ST8SIA1: variants seen among roughly 807,000 people sequenced by gnomAD.
ST8SIA1 encodes alpha-N-acetylneuraminide alpha-2,8-sialyltransferase.
In ST8SIA1, 16 loss-of-function variants were observed where a neutral mutation model predicts 35.9. That is an observed-to-expected ratio of 0.45 (90% CI 0.30 to 0.68). The LOEUF is 0.68. Among genes scored for constraint, ST8SIA1 ranks in the 30% least tolerant of loss-of-function variants. The probability of loss-of-function intolerance (pLI) is 0.09; values close to 1 mark genes in which losing one functional copy is unlikely to be tolerated. For missense variants in ST8SIA1, 383 were observed against 453.6 expected (o/e 0.84, Z 1.41); for synonymous variants, 170 against 169.6 (o/e 1.00, Z -0.02).
At chr12:22,250,032 C>T (rs899090475) in intron 3 of ST8SIA1, among the ~76,000 whole-genome samples, 2 of 152,100 alleles carry the variant, frequency 1.3e-5, no homozygotes, top group Admixed American at 1.3e-4. Flanking sequence ...TGCAGTGATC[C>T]ACCATCCCAG....
chr12:22,252,314 C>A (rs1277300917), intron 3 of ST8SIA1, among the ~76,000 whole-genome samples: 1 of 152,120 alleles, frequency 6.6e-6, no homozygotes, highest in Non-Finnish European at 1.5e-5. Flanking sequence ...ATACGACATG[C>A]TTTCTAATCT....
At chr12:22,244,236 G>A (rs1865573219) in intron 4 of ST8SIA1, among the ~76,000 whole-genome samples, 2 of 152,002 alleles carry the variant, frequency 1.3e-5, no homozygotes, top group Admixed American at 1.3e-4. Flanking sequence ...CTATTGAAGA[G>A]TGCATCTAAC....
Position 22,201,943 on chromosome 12 carries a change from G to C in ST8SIA1, c.680C>G (p.Thr227Arg). 3 of 1,613,970 alleles carry C rather than the reference G, an allele frequency of 1.9e-6. No individual in the cohort carries two copies. Among genetic ancestry groups the C allele is most frequent in the Non-Finnish European group, 2.5e-6 (3 of 1,179,922 alleles). Reference sequence around the variant, plus strand: ...AACCCTCAAAGATGGCTCTGTTCCTGTCTTCATAGAAAAGGCAGGCATGTA... The same window carrying C: ...AACCCTCAAAGATGGCTCTGTTCCTCTCTTCATAGAAAAGGCAGGCATGTA... ...YIYMPAFSMK[T>R]GTEPSLRVYY... Residue 227 changes from threonine (T) to arginine (R), a missense_variant, in exon 5 of 5, where the codon ACA (threonine) becomes AGA (arginine). Physicochemically the swap from Thr to Arg is moderately conservative, Grantham distance 71. Coordinates refer to ENST00000396037, the MANE Select transcript of ST8SIA1 (RefSeq NM_003034.4).
intron 1 of ST8SIA1, among the ~76,000 whole-genome samples, chr12:22,307,806 T>C (rs1418057969): frequency 6.6e-6 from 1 of 152,234 alleles, no homozygotes; most frequent in African/African-American, 2.4e-5. Context: ...TCTTCTCTTC[T>C]CATGTTATTA....
At chr12:22,304,343 T>C (rs867419658) in intron 1 of ST8SIA1, among the ~76,000 whole-genome samples, 4,549 of 148,742 alleles carry the variant, frequency 0.031, 95 homozygotes, top group Non-Finnish European at 0.049. Context: ...TCTTTTTTTT[T>C]TTTTTTTTTT....
chr12:22,277,652 C>T (rs1463052355), intron 2 of ST8SIA1, among the ~76,000 whole-genome samples: 1 of 152,110 alleles, frequency 6.6e-6, no homozygotes, highest in African/African-American at 2.4e-5. Context: ...CAGGCATGAG[C>T]CACCGCGCCT....
intron 2 of ST8SIA1, among the ~76,000 whole-genome samples, chr12:22,284,428 T>C (rs987798753): frequency 1.3e-5 from 2 of 152,190 alleles, no homozygotes; most frequent in Middle Eastern, 3.2e-3. Flanking sequence ...AAATGAAGCG[T>C]ATCAATTAAC....
intron 4 of ST8SIA1, among the ~76,000 whole-genome samples, chr12:22,206,283 G>A (rs1456988079): frequency 1.3e-5 from 2 of 152,198 alleles, no homozygotes; most frequent in Non-Finnish European, 2.9e-5. Context: ...GGAAACCAGA[G>A]CATGAAGGAA....
chr12:22,195,204 A>AG lies in ST8SIA1; in HGVS notation c.*6347_*6348insC, dbSNP rs1394035599. ...CTGTCTCAACAAAAAAAAAAAAAAA[A>AG]AAAAAAAAGAAAGAAAGAAAGAAAG... On this transcript the variant is annotated 3_prime_UTR_variant, in exon 5 of 5. Coordinates refer to ENST00000396037, the MANE Select transcript of ST8SIA1 (RefSeq NM_003034.4). 6.9e-6 allele frequency: 1 copy of AG among 144,686 alleles called. No homozygotes were observed. The highest frequency in any genetic ancestry group is 1.5e-5 in the Non-Finnish European group (1 of 65,944). 9.0% of individuals were successfully genotyped at this position (144,686 alleles called of 1,614,324 possible). A position where few individuals can be genotyped will look rare whatever the true frequency, so the allele number is the denominator to read the frequency against.
rs1361132783 is a variant in ST8SIA1, at chr12:22,198,192, C to A, written c.*3360G>T. 1 of 152,060 alleles carries A rather than the reference C, an allele frequency of 6.6e-6. No individual in the cohort carries two copies. Among genetic ancestry groups the A allele is most frequent in the Non-Finnish European group, 1.5e-5 (1 of 68,016 alleles). The allele number at this position is 152,060 out of a possible 1,614,324, so 9.4% of individuals were successfully genotyped here. ...GATCAGCCTAATTTTTATGACTACACAACAATTTTTTTAATTAGTCTGATG... is the reference window on the plus strand; with the variant it reads ...GATCAGCCTAATTTTTATGACTACAAAACAATTTTTTTAATTAGTCTGATG... On this transcript the variant is annotated 3_prime_UTR_variant, in exon 5 of 5. Transcript: ENST00000396037.
chr12:22,224,999 G>T (rs1328538259), intron 4 of ST8SIA1, among the ~76,000 whole-genome samples: 3 of 152,170 alleles, frequency 2.0e-5, no homozygotes, highest in South Asian at 2.1e-4. Flanking sequence ...TACATAGGAA[G>T]AATGCTGTGT....
At chr12:22,286,679 T>C (rs2073313518) in intron 2 of ST8SIA1, among the ~76,000 whole-genome samples, 1 of 152,154 alleles carries the variant, frequency 6.6e-6, no homozygotes, top group African/African-American at 2.4e-5. Flanking sequence ...ATTATTCCTC[T>C]CCATATCCAC....
At chr12:22,276,567 T>C (rs940775171) in intron 2 of ST8SIA1, among the ~76,000 whole-genome samples, 2 of 151,946 alleles carry the variant, frequency 1.3e-5, no homozygotes, top group South Asian at 2.1e-4. Context: ...AGGACCACAG[T>C]GTCTTTATTT....
chr12:22,237,410 T>C lies in ST8SIA1; in HGVS notation c.584+11596A>G, dbSNP rs929149394. Among the ~76,000 whole-genome samples the C allele has an allele frequency of 1.5e-4, 23 of 152,234 alleles. 1 individual carries two copies. Among genetic ancestry groups the C allele is most frequent in the Admixed American group, 1.3e-3 (20 of 15,284 alleles). On this transcript the variant is annotated intron_variant, in intron 4 of 4. Coordinates refer to ENST00000396037, the MANE Select transcript of ST8SIA1 (RefSeq NM_003034.4). ...TGAGCCACTGTGCCCAGCCAAGGTC[T>C]GCTTTTTAAATAATTTTTTTCCCCA...
intron 1 of ST8SIA1, among the ~76,000 whole-genome samples, chr12:22,288,927 A>G (rs1246776563): frequency 2.6e-5 from 4 of 151,680 alleles, no homozygotes; most frequent in Admixed American, 6.6e-5. Flanking sequence ...ACAGGGTCTC[A>G]CTCTATTGCC....
intron 3 of ST8SIA1, among the ~76,000 whole-genome samples, chr12:22,249,482 A>G (rs186838518): frequency 1.3e-5 from 2 of 152,258 alleles, no homozygotes; most frequent in Admixed American, 6.5e-5. Flanking sequence ...GGCCTCCCAA[A>G]GTACTGGGAT....
chr12:22,264,062 A>T (rs984143189), intron 2 of ST8SIA1, among the ~76,000 whole-genome samples: 1 of 151,684 alleles, frequency 6.6e-6, no homozygotes, highest in African/African-American at 2.4e-5. Context: ...ATCCTCCTGG[A>T]CTCCCACACA....
chr12:22,269,660 G>C (rs1409162761), intron 2 of ST8SIA1, among the ~76,000 whole-genome samples: 1 of 152,154 alleles, frequency 6.6e-6, no homozygotes, highest in Non-Finnish European at 1.5e-5. Flanking sequence ...AATTGTGGCA[G>C]AGCTAAGAAG....
intron 3 of ST8SIA1, among the ~76,000 whole-genome samples, chr12:22,251,824 G>A (rs1865673854): frequency 6.6e-6 from 1 of 152,222 alleles, no homozygotes; most frequent in Non-Finnish European, 1.5e-5. Flanking sequence ...GGATGTGGAA[G>A]TAAGTGGGAA....
Sources: gnomAD v4.1 joint callset for allele counts (sites outside exome capture counted in the v4.1 genomes callset) on GRCh38, gnomAD v4.1.1 for gene constraint, MANE v1.5 for transcripts, NCBI Gene and HGNC (gene_info 2026-07-23, HGNC 2026-07-21) for gene names.